Variants in CLSTN2 observed in about 807,000 individuals in gnomAD.
CLSTN2 encodes the protein calsyntenin-2.
CLSTN2 carries 48 observed loss-of-function variants against 101.2 expected under a neutral mutation model. The ratio of observed to expected loss-of-function variants is 0.47; its 90% CI spans 0.38 to 0.60. The LOEUF (loss-of-function observed/expected upper bound fraction) is 0.60. Among genes scored for constraint, CLSTN2 ranks in the 20% least tolerant of loss-of-function variants. The pLI is 0.00. For synonymous variants in CLSTN2, 481 were observed against 463.6 expected, an observed-to-expected ratio of 1.04 and a Z score of -0.48; for missense variants, 1,160 against 1,238.2, an observed-to-expected ratio of 0.94 and a Z score of 0.95.
intron 2 of CLSTN2, among the ~76,000 whole-genome samples, chr3:140,209,131 A>G (rs2010822104): frequency 6.6e-6 from 1 of 152,218 alleles, no homozygotes; most frequent in Admixed American, 6.5e-5. Flanking sequence ...CAGATTTTTT[A>G]AACCTGGGGA....
At chr3:140,115,820 T>G (rs1295520057) in intron 1 of CLSTN2, among the ~76,000 whole-genome samples, 2 of 152,208 alleles carry the variant, frequency 1.3e-5, no homozygotes, top group East Asian at 3.8e-4. Context: ...CTTTCATTCT[T>G]CAGGAAATAA....
intron 2 of CLSTN2, among the ~76,000 whole-genome samples, chr3:140,211,796 C>T (rs1305877362): frequency 6.6e-6 from 1 of 151,910 alleles, no homozygotes; most frequent in Non-Finnish European, 1.5e-5. Flanking sequence ...CTTTAACCTC[C>T]AGTGAATCAG....
At chr3:140,494,209 C>T (rs962212360) in intron 8 of CLSTN2, among the ~76,000 whole-genome samples, 4 of 152,148 alleles carry the variant, frequency 2.6e-5, no homozygotes, top group African/African-American at 9.7e-5. Context: ...GGGTGCAAAG[C>T]ATATACACCT....
chr3:139,980,367 T>C (rs1311712380), intron 1 of CLSTN2, among the ~76,000 whole-genome samples: 2 of 152,138 alleles, frequency 1.3e-5, no homozygotes, highest in Non-Finnish European at 2.9e-5. Context: ...TTACTCCAGA[T>C]GTCCATGTCC....
intron 2 of CLSTN2, among the ~76,000 whole-genome samples, chr3:140,179,660 A>G (rs936747381): frequency 2.2e-5 from 3 of 133,748 alleles, no homozygotes; most frequent in Non-Finnish European, 4.7e-5. Context: ...AAACCTTGCT[A>G]TTATACCTCA....
At chr3:140,336,708 T>G (rs2087442786) in intron 2 of CLSTN2, among the ~76,000 whole-genome samples, 1 of 152,212 alleles carries the variant, frequency 6.6e-6, no homozygotes, top group Non-Finnish European at 1.5e-5. Context: ...GAAAACCAAC[T>G]GCTTTCAATG....
intron 8 of CLSTN2, among the ~76,000 whole-genome samples, chr3:140,490,593 T>C (rs1338036610): frequency 9.7e-6 from 1 of 102,724 alleles, no homozygotes; most frequent in Non-Finnish European, 2.2e-5. Context: ...AGACCTTGTC[T>C]CAGAAAAAAA....
intron 2 of CLSTN2, among the ~76,000 whole-genome samples, chr3:140,184,276 T>C (rs2010453525): frequency 6.6e-6 from 1 of 152,228 alleles, no homozygotes; most frequent in Admixed American, 6.5e-5. Context: ...CACACTGCTA[T>C]GTAAAGAACT....
At chr3:140,405,233 A>ATTTT (rs72398449) in intron 4 of CLSTN2, among the ~76,000 whole-genome samples, 1 of 149,280 alleles carries the variant, frequency 6.7e-6, no homozygotes, top group African/African-American at 2.5e-5. Flanking sequence ...TTCATTCAGG[A>ATTTT]TTTTTTTTTT....
intron 2 of CLSTN2, among the ~76,000 whole-genome samples, chr3:140,383,681 G>C (rs2088017429): frequency 6.6e-6 from 1 of 152,192 alleles, no homozygotes; most frequent in African/African-American, 2.4e-5. Context: ...ACTATATAGA[G>C]AGAGGAGGGA....
chr3:140,478,237 T>C (rs565307800), intron 8 of CLSTN2, among the ~76,000 whole-genome samples: 1 of 152,004 alleles, frequency 6.6e-6, no homozygotes, highest in African/African-American at 2.4e-5. Context: ...AAATGGCATA[T>C]GCTGATGTTC....
At chr3:140,347,431 C>A (rs946198007) in intron 2 of CLSTN2, among the ~76,000 whole-genome samples, 1 of 152,184 alleles carries the variant, frequency 6.6e-6, no homozygotes, top group African/African-American at 2.4e-5. Context: ...CCAGACATTT[C>A]CAAAAGGCCT....
intron 1 of CLSTN2, among the ~76,000 whole-genome samples, chr3:140,131,159 T>TA (rs532282886): frequency 6.3e-4 from 93 of 148,252 alleles, no homozygotes; most frequent in East Asian, 1.8e-3. Flanking sequence ...TTTAGTGTAT[T>TA]AAAAAAAAAA....
intron 1 of CLSTN2, among the ~76,000 whole-genome samples, chr3:139,955,112 C>CTATATATA (rs58418059): frequency 0.015 from 1,078 of 71,486 alleles, 73 homozygotes; most frequent in Middle Eastern, 0.021. Flanking sequence ...GGCAATATTG[C>CTATATATA]TATATATATA....
intron 2 of CLSTN2, among the ~76,000 whole-genome samples, chr3:140,348,008 C>T (rs368147144): frequency 3.3e-4 from 50 of 152,294 alleles, no homozygotes; most frequent in African/African-American, 1.0e-3. Flanking sequence ...TATTGATTAT[C>T]ACTTGGAAAG....
chr3:140,111,643 A>C (rs1010645655), intron 1 of CLSTN2, among the ~76,000 whole-genome samples: 1 of 152,186 alleles, frequency 6.6e-6, no homozygotes, highest in Non-Finnish European at 1.5e-5. Flanking sequence ...TCAGTCTATG[A>C]GAGCTTGCTT....
At chr3:140,288,527 CTT>C (rs1422113162) in intron 2 of CLSTN2, among the ~76,000 whole-genome samples, 5 of 152,166 alleles carry the variant, frequency 3.3e-5, no homozygotes, top group Admixed American at 2.0e-4. Context: ...AATTGAGACA[CTT>C]TTATTCCCTC....
intron 4 of CLSTN2, among the ~76,000 whole-genome samples, chr3:140,418,997 T>C (rs1266770844): frequency 6.6e-6 from 1 of 151,332 alleles, no homozygotes; most frequent in Non-Finnish European, 1.5e-5. Flanking sequence ...GTACCAATAC[T>C]CTTTCACTAA....
intron 2 of CLSTN2, among the ~76,000 whole-genome samples, chr3:140,225,331 A>G (rs576728689): frequency 1.3e-5 from 2 of 152,146 alleles, no homozygotes; most frequent in Non-Finnish European, 2.9e-5. Flanking sequence ...GTGTGATTAC[A>G]TTACTTCAGT....
Sources: allele counts gnomAD v4.1 joint callset (sites outside exome capture counted in the v4.1 genomes callset), GRCh38; gene constraint gnomAD v4.1.1; transcripts MANE v1.5; gene names NCBI Gene and HGNC (gene_info 2026-07-23, HGNC 2026-07-21).